NR2C2: variants seen among roughly 807,000 people sequenced by gnomAD.
The protein encoded by NR2C2 is nuclear receptor subfamily 2 group C member 2, also known as Nuclear hormone receptor TR4.
In NR2C2, 6 loss-of-function variants were observed where a neutral mutation model predicts 62.9. The ratio of observed to expected loss-of-function variants is 0.10; its 90% CI spans 0.05 to 0.19. The LOEUF is 0.19. Ranked by LOEUF, NR2C2 falls within the 10% of genes least tolerant of loss-of-function variation. NR2C2 has a pLI of 1.00. For synonymous variants in NR2C2, 272 were observed against 273.8 expected, an observed-to-expected ratio of 0.99 and a Z score of 0.07; for missense variants, 479 against 762.7, an observed-to-expected ratio of 0.63 and a Z score of 4.38.
chr3:14,949,944 G>A (rs1253585984), intron 1 of NR2C2, among the ~76,000 whole-genome samples: 1 of 152,120 alleles, frequency 6.6e-6, no homozygotes, highest in African/African-American at 2.4e-5. Flanking sequence ...ACTTTTACTA[G>A]CAGTGTGATT....
At chr3:14,972,179 T>C (rs1248740179) in intron 1 of NR2C2, among the ~76,000 whole-genome samples, 1 of 149,390 alleles carries the variant, frequency 6.7e-6, no homozygotes, top group Admixed American at 6.6e-5. Context: ...TCTTTCTTTT[T>C]TTTTTTTTTT....
rs2042330809 is a variant in NR2C2 at position 15,043,155 on chromosome 3, A to G, written c.*147A>G. On this transcript the variant is annotated 3_prime_UTR_variant, in exon 14 of 14. Transcript: ENST00000425241. ...TTCTCCTTATCTGTTAATCCCAGACAATAGCAATTAAAAGACTAGTAGGAT... is the reference window on the plus strand; with the variant it reads ...TTCTCCTTATCTGTTAATCCCAGACGATAGCAATTAAAAGACTAGTAGGAT... The G allele has an allele frequency of 3.3e-6, 2 of 612,024 alleles. No homozygotes were observed. Among genetic ancestry groups the G allele is most frequent in the Non-Finnish European group, 5.0e-6 (2 of 397,676 alleles). The allele number at this position is 612,024 out of a possible 1,614,324, so 37.9% of individuals were successfully genotyped here.
In NR2C2 at chr3:15,039,160, T is replaced by A; in HGVS notation, c.1549T>A (p.Phe517Ile). Residue 517 changes from phenylalanine (F) to isoleucine (I), a missense_variant, in exon 13 of 14, where the codon TTC (phenylalanine) becomes ATC (isoleucine). Physicochemically the swap from Phe to Ile is conservative, Grantham distance 21 (BLOSUM62 0). Around this residue, in one of 4 missense-constraint regions of NR2C2, gnomAD observed 162 missense variants for 296.8 expected, o/e 0.55. Coordinates refer to ENST00000425241, the MANE Select transcript of NR2C2 (RefSeq NM_001291694.2). Reference protein sequence around the residue: ...GLTSTSQIEKFQEKAQMELQD... With the variant: ...GLTSTSQIEKIQEKAQMELQD... The stretch of plus-strand genomic sequence containing the variant: ...GACCAGCACAAGCCAGATTGAAAAA[T>A]TCCAAGAAAAGGCACAGATGGAGTT... 1.2e-6 allele frequency: 2 copies of A among 1,613,948 alleles called. No homozygotes were observed. Among genetic ancestry groups the A allele is most frequent in the Non-Finnish European group, 8.5e-7 (1 of 1,179,986 alleles).
intron 1 of NR2C2, 116 bp downstream of exon 1, chr3:14,948,022 G>C (rs1343933801): frequency 2.6e-5 from 4 of 151,780 alleles, no homozygotes; most frequent in African/African-American, 9.7e-5. Context: ...CCTTTGCCAC[G>C]GGGTGGCGGC....
chr3:14,978,394 A>G (rs2040268023), intron 1 of NR2C2, among the ~76,000 whole-genome samples: 1 of 152,206 alleles, frequency 6.6e-6, no homozygotes, highest in African/African-American at 2.4e-5. Context: ...TGAATATCTC[A>G]TGTAGCATGC....
chr3:15,033,836 A>C (rs2125069743), intron 10 of NR2C2, among the ~76,000 whole-genome samples: 1 of 152,194 alleles, frequency 6.6e-6, no homozygotes, highest in Non-Finnish European at 1.5e-5. Flanking sequence ...TACCACATTT[A>C]AAGTGGTTTC....
rs1185224218 is a variant in NR2C2, at chr3:15,047,807, G to A, written c.*4799G>A. ...CAGATCTCAAGTTACTTCTCTAACTGTAAGCATGTAAATGACTTTAACTCC... is the reference window on the plus strand; with the variant it reads ...CAGATCTCAAGTTACTTCTCTAACTATAAGCATGTAAATGACTTTAACTCC... On this transcript the variant is annotated 3_prime_UTR_variant, in exon 14 of 14. Transcript: ENST00000425241. The A allele has an allele frequency of 6.6e-6, 1 of 152,216 alleles. No individual in the cohort carries two copies. The highest frequency in any genetic ancestry group is 2.4e-5 in the African/African-American group (1 of 41,454). The allele number at this position is 152,216 out of a possible 1,614,324, so 9.4% of individuals were successfully genotyped here.
intron 11 of NR2C2, 119 bp downstream of exon 11, chr3:15,034,928 C>T (rs2042067622): frequency 9.5e-7 from 1 of 1,051,746 alleles, no homozygotes; most frequent in East Asian, 2.7e-5. Flanking sequence ...CCCAGGCTGG[C>T]AACATAGCAA....
In NR2C2 at chr3:15,047,066, T is replaced by G. The variant is rs998738455; in HGVS notation, c.*4058T>G. ...TAAGACTGAATGAATGTACATGTGT[T>G]TATATCCTCTCCATATGTACAGTGT... is the stretch of plus-strand genomic sequence containing the variant. On this transcript the variant is annotated 3_prime_UTR_variant, in exon 14 of 14. Coordinates refer to ENST00000425241, the MANE Select transcript of NR2C2 (RefSeq NM_001291694.2). 6.5e-6 allele frequency: 1 copy of G among 152,678 alleles called. No individual in the cohort carries two copies. The highest frequency in any genetic ancestry group is 2.4e-5 in the African/African-American group (1 of 41,446). 9.5% of individuals were successfully genotyped at this position (152,678 alleles called of 1,614,324 possible). A position where few individuals can be genotyped will look rare whatever the true frequency, so the allele number is the denominator to read the frequency against.
chr3:14,977,627 A>G (rs1421456968), intron 1 of NR2C2, among the ~76,000 whole-genome samples: 1 of 152,098 alleles, frequency 6.6e-6, no homozygotes, highest in African/African-American at 2.4e-5. Flanking sequence ...TTCCTATGGA[A>G]GCTTTCCTCA....
chr3:14,996,794 C>T (rs2040845103), intron 1 of NR2C2, among the ~76,000 whole-genome samples: 1 of 152,158 alleles, frequency 6.6e-6, no homozygotes, highest in African/African-American at 2.4e-5. Flanking sequence ...AATCTCCTGA[C>T]CTCGTGATCC....
chr3:14,980,646 A>G (rs915814608), intron 1 of NR2C2, among the ~76,000 whole-genome samples: 3 of 152,258 alleles, frequency 2.0e-5, no homozygotes, highest in Admixed American at 2.0e-4. Flanking sequence ...CTAGTTAAAT[A>G]CCTAGTTAAC....
intron 1 of NR2C2, among the ~76,000 whole-genome samples, chr3:14,994,870 G>A (rs2040780232): frequency 6.8e-6 from 1 of 147,548 alleles, no homozygotes; most frequent in African/African-American, 2.5e-5. Flanking sequence ...AGCTATGATT[G>A]TGCCACTGCA....
At chr3:14,949,578 T>G (rs2039281293) in intron 1 of NR2C2, among the ~76,000 whole-genome samples, 2 of 152,218 alleles carry the variant, frequency 1.3e-5, no homozygotes, top group African/African-American at 4.8e-5. Context: ...GATGAATACA[T>G]GACTTGGGAG....
rs528469143 is a variant in NR2C2 at position 15,044,411 on chromosome 3, C to T, written c.*1403C>T. The T allele has an allele frequency of 2.0e-5, 3 of 152,078 alleles. No homozygotes were observed. Among genetic ancestry groups the T allele is most frequent in the African/African-American group, 4.8e-5 (2 of 41,410 alleles). 9.4% of individuals were successfully genotyped at this position (152,078 alleles called of 1,614,324 possible). On this transcript the variant is annotated 3_prime_UTR_variant, in exon 14 of 14. Transcript: ENST00000425241. Reference sequence around the variant, plus strand: ...CTCAATTTCCAGGGTGATAGTCTTTCTCCTCATAAATTGTAGCAACCAGAG... The same window carrying T: ...CTCAATTTCCAGGGTGATAGTCTTTTTCCTCATAAATTGTAGCAACCAGAG...
chr3:15,042,584 G>A (rs1377458040), intron 13 of NR2C2: 1 of 360,026 alleles, frequency 2.8e-6, no homozygotes, highest in African/African-American at 2.1e-5. Context: ...CTTGGTGGTG[G>A]GGGTGAGGAG....
chr3:14,980,885 T>C (rs764164356), intron 1 of NR2C2, among the ~76,000 whole-genome samples: 1 of 152,198 alleles, frequency 6.6e-6, no homozygotes, highest in African/African-American at 2.4e-5. Context: ...CCTGGTTGAA[T>C]AGGCATCATG....
At chr3:14,994,568 G>C (rs1012010652) in intron 1 of NR2C2, among the ~76,000 whole-genome samples, 1 of 144,882 alleles carries the variant, frequency 6.9e-6, no homozygotes, top group African/African-American at 2.6e-5. Flanking sequence ...TCAGACTCCC[G>C]AGTAGCTGGG....
chr3:14,986,068 A>G (rs998028331), intron 1 of NR2C2, among the ~76,000 whole-genome samples: 9 of 152,132 alleles, frequency 5.9e-5, no homozygotes, highest in African/African-American at 2.2e-4. Context: ...CCTTCCTCTT[A>G]GGGGTTTCCA....
Sources: allele counts gnomAD v4.1 joint callset (sites outside exome capture counted in the v4.1 genomes callset), GRCh38; gene constraint gnomAD v4.1.1; regional missense constraint gnomAD v4.1.1; transcripts MANE v1.5; gene names NCBI Gene and HGNC (gene_info 2026-07-23, HGNC 2026-07-21).